The following NME7 variants were observed in gnomAD, a reference collection of about 807,000 sequenced individuals.
The protein encoded by NME7 is nucleoside diphosphate kinase 7.
NME7 carries 41 observed loss-of-function variants against 49.1 expected under a neutral mutation model. The observed-to-expected ratio is 0.83, with a 90% CI of 0.65 to 1.08. The LOEUF (loss-of-function observed/expected upper bound fraction) is 1.08, where lower values mean the gene tolerates loss of function less well. Ranked by LOEUF, NME7 falls within the 50% of genes least tolerant of loss-of-function variation. The pLI is 0.00. For missense variants in NME7, 423 were observed against 463.4 expected (o/e 0.91, Z 0.80); for synonymous variants, 139 against 150.6 (o/e 0.92, Z 0.56).
chr1:169,208,169 C>T (rs1053404515), intron 10 of NME7, among the ~76,000 whole-genome samples: 4 of 152,014 alleles, frequency 2.6e-5, no homozygotes, highest in Admixed American at 6.6e-5. Context: ...AATTTTTTTC[C>T]ATTTAATATA....
intron 9 of NME7, among the ~76,000 whole-genome samples, chr1:169,232,944 G>A (rs1381483708): frequency 1.2e-5 from 1 of 85,612 alleles, no homozygotes; most frequent in African/African-American, 4.7e-5. Flanking sequence ...TTTTGAGACA[G>A]AGTTTTGCTC....
intron 10 of NME7, among the ~76,000 whole-genome samples, chr1:169,175,986 T>C (rs1243296552): frequency 6.6e-6 from 1 of 152,164 alleles, no homozygotes; most frequent in Admixed American, 6.5e-5. Flanking sequence ...AGTATTCTTC[T>C]GCAACAAGTC....
intron 7 of NME7, among the ~76,000 whole-genome samples, chr1:169,261,078 A>G (rs75432392): frequency 0.018 from 2,412 of 134,094 alleles, 336 homozygotes; most frequent in African/African-American, 0.054. Context: ...GAAAAAAAAA[A>G]GTGAAAAACA....
At chr1:169,136,102 CCACATATAT>C (rs1233293058) in intron 11 of NME7, among the ~76,000 whole-genome samples, 138 of 119,162 alleles carry the variant, frequency 1.2e-3, no homozygotes, top group Non-Finnish European at 1.9e-3. Flanking sequence ...AAACAGCCAG[CCACATATAT>C]CGGGCACAGC....
intron 7 of NME7, among the ~76,000 whole-genome samples, chr1:169,252,553 C>T (rs899188315): frequency 1.6e-4 from 25 of 152,124 alleles, no homozygotes; most frequent in Non-Finnish European, 2.5e-4. Context: ...TGTGCAGAAG[C>T]TCTTTAGTTT....
chr1:169,282,727 A>C (rs1490986632), intron 7 of NME7, among the ~76,000 whole-genome samples: 1 of 152,186 alleles, frequency 6.6e-6, no homozygotes, highest in Non-Finnish European at 1.5e-5. Context: ...ATTCAGGAGC[A>C]GGTTGTTCAG....
intron 2 of NME7, among the ~76,000 whole-genome samples, chr1:169,323,687 C>T (rs905885920): frequency 3.9e-5 from 6 of 152,094 alleles, no homozygotes; most frequent in African/African-American, 1.4e-4. Context: ...CACAAAGAAA[C>T]AGAAGTCTCT....
chr1:169,341,303 G>A (rs1652691023), intron 1 of NME7, among the ~76,000 whole-genome samples: 1 of 152,238 alleles, frequency 6.6e-6, no homozygotes, highest in Non-Finnish European at 1.5e-5. Context: ...AGCCTTGGCA[G>A]CCGACACATG....
chr1:169,159,893 G>A (rs1659193376), intron 11 of NME7, among the ~76,000 whole-genome samples: 1 of 152,096 alleles, frequency 6.6e-6, no homozygotes, highest in African/African-American at 2.4e-5. Context: ...AAAGACTTCA[G>A]AATTTGAGTC....
rs529103909 is a variant in NME7, at chr1:169,160,567, TTAA to T, written c.1098+8877_1098+8879del. Among the ~76,000 whole-genome samples the T allele has an allele frequency of 9.2e-5, 14 of 152,248 alleles. No homozygotes were observed. The East Asian group carries it at 2.5e-3, about 27-fold the overall frequency. ...GGGAAGTCACTCATCATCAAATACA[TTAA>T]TATTTTTACAGCAGTGTGAAGAGTC... is the stretch of plus-strand genomic sequence containing the variant. On this transcript the variant is annotated intron_variant, in intron 11 of 11. Coordinates refer to ENST00000367811, the MANE Select transcript of NME7 (RefSeq NM_013330.5).
chr1:169,151,490 T>C (rs1323301449), intron 11 of NME7, among the ~76,000 whole-genome samples: 1 of 152,096 alleles, frequency 6.6e-6, no homozygotes, highest in African/African-American at 2.4e-5. Flanking sequence ...GGGATTCCAA[T>C]GAATCCAGGG....
chr1:169,159,118 G>A (rs577115246), intron 11 of NME7, among the ~76,000 whole-genome samples: 1 of 152,282 alleles, frequency 6.6e-6, no homozygotes, highest in East Asian at 1.9e-4. Flanking sequence ...TTGGGTGAGG[G>A]CTCTGGTTTT....
chr1:169,358,190 A>G (rs1653528553), intron 1 of NME7, among the ~76,000 whole-genome samples: 1 of 152,212 alleles, frequency 6.6e-6, no homozygotes, highest in East Asian at 1.9e-4. Context: ...TTCCTCAACT[A>G]TCTTCTCATT....
chr1:169,252,656 T>C (rs987416381), intron 7 of NME7, among the ~76,000 whole-genome samples: 1 of 152,176 alleles, frequency 6.6e-6, no homozygotes, highest in Non-Finnish European at 1.5e-5. Context: ...TCCTGAATGG[T>C]AATCCCTAGG....
At chr1:169,228,220 A>G (rs1184057847) in intron 10 of NME7, among the ~76,000 whole-genome samples, 2 of 152,080 alleles carry the variant, frequency 1.3e-5, no homozygotes, top group East Asian at 3.9e-4. Context: ...GGGCTTCTAT[A>G]TATTCACAAA....
chr1:169,288,409 TTATA>T (rs1650361711), intron 6 of NME7, among the ~76,000 whole-genome samples: 1 of 152,150 alleles, frequency 6.6e-6, no homozygotes, highest in African/African-American at 2.4e-5. Context: ...TGGAACCTGC[TTATA>T]GGAAAAGTCA....
At chr1:169,186,173 C>T (rs993627225) in intron 10 of NME7, among the ~76,000 whole-genome samples, 1 of 152,162 alleles carries the variant, frequency 6.6e-6, no homozygotes, top group Non-Finnish European at 1.5e-5. Flanking sequence ...AGTATTTCTA[C>T]TGCAAAAGGG....
At chr1:169,342,364 C>A (rs984086530) in intron 1 of NME7, among the ~76,000 whole-genome samples, 1 of 151,768 alleles carries the variant, frequency 6.6e-6, no homozygotes, top group Non-Finnish European at 1.5e-5. Flanking sequence ...GAGGCCTCCG[C>A]AGCCATGTGG....
chr1:169,171,048 GA>G (rs898027036), intron 10 of NME7, among the ~76,000 whole-genome samples: 1 of 151,904 alleles, frequency 6.6e-6, no homozygotes, highest in Non-Finnish European at 1.5e-5. Flanking sequence ...TCCGGTCAGG[GA>G]AAAAAACACT....
Sources: gnomAD v4.1 joint callset for allele counts (sites outside exome capture counted in the v4.1 genomes callset) on GRCh38, gnomAD v4.1.1 for gene constraint, MANE v1.5 for transcripts, NCBI Gene and HGNC (gene_info 2026-07-23, HGNC 2026-07-21) for gene names.